Variants in LYN observed in about 807,000 individuals in gnomAD.
The protein encoded by LYN is tyrosine-protein kinase Lyn.
In LYN, 12 loss-of-function variants were observed where a neutral mutation model predicts 65.0. The observed-to-expected ratio is 0.18, with a 90% CI of 0.12 to 0.30. LYN has a LOEUF of 0.30. Ranked by LOEUF, LYN falls within the 10% of genes least tolerant of loss-of-function variation. The pLI, the probability that LYN is intolerant of heterozygous loss-of-function variation, is 1.00. For synonymous variants in LYN, 222 were observed against 221.2 expected, an observed-to-expected ratio of 1.00 and a Z score of -0.03; for missense variants, 380 against 623.2, an observed-to-expected ratio of 0.61 and a Z score of 4.16.
At chr8:55,966,604 G>A in intron 8 of LYN, 111 bp from the exon 9 acceptor site, 1 of 820,674 alleles carries the variant, frequency 1.2e-6, no homozygotes, top group Non-Finnish European at 1.9e-6. Context: ...CTGACATCAG[G>A]TGACCCACTC....
chr8:55,937,023 C>G (rs902118205), intron 1 of LYN, among the ~76,000 whole-genome samples: 3 of 152,232 alleles, frequency 2.0e-5, no homozygotes, highest in Non-Finnish European at 4.4e-5. Context: ...TATAGCTACT[C>G]TGTTTGCTTT....
In LYN at chr8:55,987,406, C is replaced by CAA. The variant is rs879257306; in HGVS notation, c.1051-10924_1051-10923dup. On this transcript the variant is annotated intron_variant, in intron 10 of 12. Transcript: ENST00000519728. The stretch of plus-strand genomic sequence containing the variant: ...TGGGCTACAGAGTGAGACTTCATCT[C>CAA]AAAAAAAAAAAAAAAAATCTTTTCT... Among the ~76,000 whole-genome samples the CAA allele has an allele frequency of 1.0e-2, 1,070 of 107,294 alleles. 17 individuals carry two copies. The highest frequency in any genetic ancestry group is 0.035 in the African/African-American group (1,013 of 28,756). The allele number at this position is 107,294 out of a possible 152,430, so 70.4% of individuals were successfully genotyped here.
intron 9 of LYN, among the ~76,000 whole-genome samples, chr8:55,968,563 G>GC (rs1807523996): frequency 6.6e-6 from 1 of 152,268 alleles, no homozygotes; most frequent in East Asian, 1.9e-4. Context: ...GGCCAACAAT[G>GC]CCTAATATTT....
At chr8:55,920,317 AT>A (rs558103193) in intron 1 of LYN, among the ~76,000 whole-genome samples, 1 of 152,226 alleles carries the variant, frequency 6.6e-6, no homozygotes, top group South Asian at 2.1e-4. Context: ...CAGGATTCCC[AT>A]TCATAAAGCC....
At chr8:56,003,081 A>T in intron 12 of LYN, among the ~76,000 whole-genome samples, 1 of 144,222 alleles carries the variant, frequency 6.9e-6, no homozygotes. Context: ...TTTTTTTGAG[A>T]CAGAATCTCG....
intron 10 of LYN, among the ~76,000 whole-genome samples, chr8:55,988,938 T>G (rs958579893): frequency 2.0e-5 from 3 of 151,898 alleles, no homozygotes. Flanking sequence ...TGCTTGTCTT[T>G]GCCAATTTCT....
intron 9 of LYN, among the ~76,000 whole-genome samples, chr8:55,968,322 C>T (rs1177391636): frequency 2.0e-5 from 3 of 152,114 alleles, no homozygotes; most frequent in African/African-American, 4.8e-5. Context: ...GTGGCACTAT[C>T]TTGGATCACT....
At chr8:55,932,749 T>C (rs1489912944) in intron 1 of LYN, among the ~76,000 whole-genome samples, 1 of 152,182 alleles carries the variant, frequency 6.6e-6, no homozygotes, top group Non-Finnish European at 1.5e-5. Context: ...TAAGAATTAT[T>C]ATACTCGCAT....
At position 55,950,409 on chromosome 8, in the gene LYN, A is replaced by G. The variant is rs1462107311; in HGVS notation, c.285-50A>G. On this transcript the variant is annotated intron_variant, in intron 4 of 12. Transcript: ENST00000519728. ...ATATCTGTGATATTTTGATACATGC[A>G]TGGAGTATGTAATCTTTTAGCTTCT... 7 of 1,154,938 alleles carry G rather than the reference A, an allele frequency of 6.1e-6. No individual in the cohort carries two copies. The South Asian group carries it at 6.6e-5, about 11-fold the overall frequency. The allele number at this position is 1,154,938 out of a possible 1,614,324, so 71.5% of individuals were successfully genotyped here.
At chr8:55,928,770 A>G (rs1464063005) in intron 1 of LYN, among the ~76,000 whole-genome samples, 1 of 150,574 alleles carries the variant, frequency 6.6e-6, no homozygotes, top group Non-Finnish European at 1.5e-5. Flanking sequence ...TCTTTCATGG[A>G]TCATTTTTTC....
intron 1 of LYN, among the ~76,000 whole-genome samples, chr8:55,901,995 A>G (rs147076806): frequency 7.3e-4 from 109 of 149,694 alleles, no homozygotes; most frequent in Non-Finnish European, 1.4e-3. Flanking sequence ...TCATCATTCT[A>G]AAAAACGTAC....
chr8:55,910,057 A>G (rs1395052436), intron 1 of LYN, among the ~76,000 whole-genome samples: 1 of 149,360 alleles, frequency 6.7e-6, no homozygotes, highest in African/African-American at 2.5e-5. Context: ...TCCTCTGTCG[A>G]AGGCATAGTT....
chr8:55,880,033 C>T lies in LYN; in HGVS notation c.-76C>T, dbSNP rs1287015852. The T allele has an allele frequency of 3.2e-6, 1 of 307,736 alleles. No homozygotes were observed. The highest frequency in any genetic ancestry group is 6.6e-6 in the Non-Finnish European group (1 of 151,896). The allele number at this position is 307,736 out of a possible 1,614,324, so 19.1% of individuals were successfully genotyped here. On this transcript the variant is annotated 5_prime_UTR_variant, in exon 1 of 13. Coordinates refer to ENST00000519728, the MANE Select transcript of LYN (RefSeq NM_002350.4). Reference sequence around the variant, plus strand: ...CATACGCAGGTCCTGCTGGGCCGCCCCGTCGCGCCCCCCACTCTGAACTCA... The same window carrying T: ...CATACGCAGGTCCTGCTGGGCCGCCTCGTCGCGCCCCCCACTCTGAACTCA...
At chr8:55,967,306 A>ATTTTTT (rs35631616) in intron 9 of LYN, among the ~76,000 whole-genome samples, 1 of 95,130 alleles carries the variant, frequency 1.1e-5, no homozygotes, top group East Asian at 3.0e-4. Context: ...TTCCTCTTTC[A>ATTTTTT]TTTTTTTTTT....
chr8:55,970,539 C>T (rs543445749), intron 10 of LYN, among the ~76,000 whole-genome samples: 2 of 152,078 alleles, frequency 1.3e-5, no homozygotes, highest in African/African-American at 4.8e-5. Flanking sequence ...TTTCATGAAG[C>T]CCAGTGTATG....
At chr8:55,962,081 A>G (rs1467751315) in intron 8 of LYN, among the ~76,000 whole-genome samples, 1 of 152,200 alleles carries the variant, frequency 6.6e-6, no homozygotes, top group Non-Finnish European at 1.5e-5. Context: ...CTTTTACTCA[A>G]CGGGTTGGTG....
At chr8:55,954,500 G>A (rs16922476) in intron 8 of LYN, among the ~76,000 whole-genome samples, 2 of 152,150 alleles carry the variant, frequency 1.3e-5, no homozygotes, top group Non-Finnish European at 2.9e-5. Context: ...TTATAGCAGT[G>A]GCTTTTTCCA....
At chr8:55,950,128 A>G (rs1806899412) in intron 4 of LYN, among the ~76,000 whole-genome samples, 1 of 152,152 alleles carries the variant, frequency 6.6e-6, no homozygotes. Flanking sequence ...GCTGAGTAAT[A>G]CTCCACTGGA....
intron 12 of LYN, among the ~76,000 whole-genome samples, chr8:56,009,038 C>A (rs577377928): frequency 6.1e-4 from 93 of 152,144 alleles, no homozygotes; most frequent in Admixed American, 2.1e-3. Flanking sequence ...ATTTGTTGGG[C>A]TGACTTAAGG....
Sources: gnomAD v4.1 joint callset for allele counts (sites outside exome capture counted in the v4.1 genomes callset) on GRCh38, gnomAD v4.1.1 for gene constraint, MANE v1.5 for transcripts, NCBI Gene and HGNC (gene_info 2026-07-23, HGNC 2026-07-21) for gene names.